The following ADGRB3 variants were observed in gnomAD, a reference collection of about 807,000 sequenced individuals.
ADGRB3 encodes the protein adhesion G protein-coupled receptor B3.
ADGRB3 carries 37 observed loss-of-function variants against 193.4 expected under a neutral mutation model. That is an observed-to-expected ratio of 0.19 (90% confidence interval 0.15 to 0.25). The LOEUF is 0.25. Ranked by LOEUF, ADGRB3 falls within the 10% of genes least tolerant of loss-of-function variation. ADGRB3 has a pLI of 1.00. For missense variants in ADGRB3, 1,637 were observed against 1,852.9 expected (o/e 0.88, Z 2.14); for synonymous variants, 690 against 644.2 (o/e 1.07, Z -1.08).
At chr6:68,729,964 A>G (rs1245579109) in intron 3 of ADGRB3, among the ~76,000 whole-genome samples, 1 of 151,572 alleles carries the variant, frequency 6.6e-6, no homozygotes, top group African/African-American at 2.4e-5. Context: ...GAAGCTTATA[A>G]TCTGGTGGAA....
intron 5 of ADGRB3, among the ~76,000 whole-genome samples, chr6:68,938,146 C>T (rs577057403): frequency 6.6e-6 from 1 of 151,776 alleles, no homozygotes; most frequent in African/African-American, 2.4e-5. Flanking sequence ...TAATAATTGC[C>T]ACTAAGAACA....
At chr6:69,074,215 G>T (rs114023243) in intron 16 of ADGRB3, among the ~76,000 whole-genome samples, 4 of 152,028 alleles carry the variant, frequency 2.6e-5, no homozygotes, top group Non-Finnish European at 4.4e-5. Context: ...GAATAACTGG[G>T]ATGCTGCAAT....
At chr6:68,869,159 T>A (rs1765391079) in intron 3 of ADGRB3, among the ~76,000 whole-genome samples, 2 of 152,172 alleles carry the variant, frequency 1.3e-5, no homozygotes, top group Non-Finnish European at 2.9e-5. Flanking sequence ...ATTTCAATTA[T>A]TCTGCATTTA....
intron 17 of ADGRB3, among the ~76,000 whole-genome samples, chr6:69,156,577 G>C (rs984029761): frequency 2.0e-5 from 3 of 152,236 alleles, no homozygotes; most frequent in Non-Finnish European, 4.4e-5. Context: ...TAAGGAGTAG[G>C]GATATGTTCA....
intron 22 of ADGRB3, among the ~76,000 whole-genome samples, chr6:69,328,867 G>A (rs1397104553): frequency 5.3e-5 from 8 of 151,954 alleles, no homozygotes; most frequent in African/African-American, 1.9e-4. Flanking sequence ...CATAATTATT[G>A]GTATACATCT....
At chr6:69,142,764 T>C (rs1234175268) in intron 17 of ADGRB3, among the ~76,000 whole-genome samples, 1 of 152,218 alleles carries the variant, frequency 6.6e-6, no homozygotes, top group Non-Finnish European at 1.5e-5. Flanking sequence ...TCAATGTGAA[T>C]GTCTCCTCAT....
chr6:68,883,404 T>G (rs507388), intron 3 of ADGRB3, among the ~76,000 whole-genome samples: 49,262 of 152,136 alleles, frequency 0.32, 8,525 homozygotes, highest in East Asian at 0.59. Flanking sequence ...CAGCACCAGC[T>G]GCGGCAATCA....
chr6:69,238,805 C>A (rs1379956901), intron 19 of ADGRB3, among the ~76,000 whole-genome samples: 1 of 151,430 alleles, frequency 6.6e-6, no homozygotes, highest in African/African-American at 2.4e-5. Context: ...TTCCAAGAAG[C>A]TTTATATGTT....
intron 3 of ADGRB3, among the ~76,000 whole-genome samples, chr6:68,918,868 G>A (rs563831406): frequency 6.6e-6 from 1 of 152,156 alleles, no homozygotes; most frequent in African/African-American, 2.4e-5. Flanking sequence ...AAAGTTGGAT[G>A]GAGTAGAGAG....
chr6:68,644,845 G>T (rs1409590852), intron 3 of ADGRB3, among the ~76,000 whole-genome samples: 4 of 152,096 alleles, frequency 2.6e-5, no homozygotes. Context: ...GCATTTGTTT[G>T]TATGTATACA....
intron 8 of ADGRB3, among the ~76,000 whole-genome samples, chr6:68,969,056 A>T (rs1768478662): frequency 6.6e-6 from 1 of 152,074 alleles, no homozygotes; most frequent in Non-Finnish European, 1.5e-5. Context: ...TTCTTTAATG[A>T]AAGTGTTTTG....
intron 3 of ADGRB3, among the ~76,000 whole-genome samples, chr6:68,741,575 G>T (rs888416243): frequency 5.3e-5 from 8 of 152,016 alleles, no homozygotes; most frequent in Non-Finnish European, 8.8e-5. Context: ...TTTTGCAGAG[G>T]CAGGGTTTCA....
At chr6:69,076,384 A>G (rs1441809041) in intron 17 of ADGRB3, among the ~76,000 whole-genome samples, 1 of 152,134 alleles carries the variant, frequency 6.6e-6, no homozygotes, top group African/African-American at 2.4e-5. Context: ...ATTGCAGAAT[A>G]AAATAGCAAG....
intron 3 of ADGRB3, among the ~76,000 whole-genome samples, chr6:68,701,724 C>T (rs976309483): frequency 6.6e-6 from 1 of 152,126 alleles, no homozygotes; most frequent in African/African-American, 2.4e-5. Flanking sequence ...AAAACAGGTT[C>T]ATTTTTCTTC....
At chr6:68,737,916 A>C (rs185292603) in intron 3 of ADGRB3, among the ~76,000 whole-genome samples, 5 of 152,330 alleles carry the variant, frequency 3.3e-5, no homozygotes, top group Non-Finnish European at 2.9e-5. Context: ...TGAGGCCAAA[A>C]ATAAATATGT....
intron 13 of ADGRB3, among the ~76,000 whole-genome samples, chr6:69,031,188 C>A (rs1484509851): frequency 6.6e-6 from 1 of 150,574 alleles, no homozygotes; most frequent in Non-Finnish European, 1.5e-5. Flanking sequence ...TGGCTGTAAT[C>A]CCAGCACTTT....
chr6:68,963,456 C>G (rs949256518), intron 8 of ADGRB3, among the ~76,000 whole-genome samples: 4 of 152,074 alleles, frequency 2.6e-5, no homozygotes, highest in Non-Finnish European at 5.9e-5. Context: ...CATTACTGGC[C>G]AAATTTCATC....
At chr6:69,268,306 A>C (rs1195178689) in intron 20 of ADGRB3, among the ~76,000 whole-genome samples, 2 of 152,186 alleles carry the variant, frequency 1.3e-5, no homozygotes, top group East Asian at 3.8e-4. Flanking sequence ...AAAGCTAAGA[A>C]ATGACTATGT....
At chr6:69,311,030 C>G (rs1348061675) in intron 20 of ADGRB3, among the ~76,000 whole-genome samples, 1 of 151,674 alleles carries the variant, frequency 6.6e-6, no homozygotes, top group Non-Finnish European at 1.5e-5. Flanking sequence ...GGGTTCCAAA[C>G]TTTCAAAGGT....
Sources: allele counts gnomAD v4.1 joint callset (sites outside exome capture counted in the v4.1 genomes callset), GRCh38; gene constraint gnomAD v4.1.1; transcripts MANE v1.5; gene names NCBI Gene and HGNC (gene_info 2026-07-23, HGNC 2026-07-21).